Variants in TLK1 observed in about 807,000 individuals in gnomAD.
TLK1 encodes tousled like kinase 1, also known as serine/threonine-protein kinase tousled-like 1.
TLK1 carries 24 observed loss-of-function variants against 105.3 expected under a neutral mutation model. That is an observed-to-expected ratio of 0.23 (90% CI 0.17 to 0.32). The LOEUF is 0.32. Ranked by LOEUF, TLK1 falls within the 10% of genes least tolerant of loss-of-function variation. The pLI is 1.00. For missense variants in TLK1, 558 were observed against 910.5 expected (o/e 0.61, Z 4.98); for synonymous variants, 321 against 310.4 (o/e 1.03, Z -0.36).
intron 13 of TLK1, 59 bp from the exon 14 acceptor site, chr2:171,011,513 C>A: frequency 7.1e-7 from 1 of 1,411,892 alleles, no homozygotes. Context: ...ATTCCTTCTA[C>A]ACTGAAGTTC....
At chr2:171,161,039 G>T (rs187801589), upstream of TLK1, 9,846 of 158,068 alleles carry the variant, frequency 0.062, 720 homozygotes, top group East Asian at 0.29. Flanking sequence ...CAGGGGCTGG[G>T]GGGTGGGGGC....
chr2:171,101,991 T>A (rs1253785818), intron 2 of TLK1, among the ~76,000 whole-genome samples: 2 of 152,154 alleles, frequency 1.3e-5, no homozygotes, highest in Admixed American at 1.3e-4. Flanking sequence ...GCTACTTTGG[T>A]TTCTTTCTTA....
At chr2:171,091,285 G>C (rs1205894742) in intron 2 of TLK1, among the ~76,000 whole-genome samples, 1 of 152,120 alleles carries the variant, frequency 6.6e-6, no homozygotes, top group African/African-American at 2.4e-5. Context: ...CTTGAGAGGA[G>C]CTATATGGGT....
chr2:171,064,275 C>G (rs1035828), intron 3 of TLK1, among the ~76,000 whole-genome samples: 1 of 151,918 alleles, frequency 6.6e-6, no homozygotes, highest in African/African-American at 2.4e-5. Flanking sequence ...GTTAAGGCTC[C>G]AGCCTACCAG....
At chr2:171,101,346 CAAA>C (rs71401403) in intron 2 of TLK1, among the ~76,000 whole-genome samples, 2 of 63,498 alleles carry the variant, frequency 3.1e-5, no homozygotes, top group Non-Finnish European at 2.8e-5. Context: ...AACTCCGTCT[CAAA>C]AAAAAAAAAA....
intron 12 of TLK1, among the ~76,000 whole-genome samples, chr2:171,024,054 T>A (rs986107816): frequency 3.3e-5 from 5 of 152,172 alleles, no homozygotes; most frequent in Admixed American, 1.3e-4. Flanking sequence ...AACAACTTTT[T>A]AAAGATAGGA....
At chr2:171,008,892 T>C (rs938926250) in intron 14 of TLK1, among the ~76,000 whole-genome samples, 1 of 152,064 alleles carries the variant, frequency 6.6e-6, no homozygotes, top group African/African-American at 2.4e-5. Flanking sequence ...TAGCAGAGGG[T>C]TGTTATGAAG....
intron 17 of TLK1, 48 bp from the exon 18 acceptor site, chr2:171,006,330 A>G (rs922614223): frequency 9.3e-6 from 14 of 1,501,960 alleles, no homozygotes; most frequent in Non-Finnish European, 1.1e-5. Context: ...CATGAAAAAC[A>G]TAACTTTAAT....
At chr2:170,995,140 T>C (rs1238372772) in intron 20 of TLK1, among the ~76,000 whole-genome samples, 3 of 152,050 alleles carry the variant, frequency 2.0e-5, no homozygotes, top group Admixed American at 1.3e-4. Context: ...AGAGATCACT[T>C]TGAAAAATGA....
At chr2:171,120,153 G>A (rs760359293) in intron 1 of TLK1, among the ~76,000 whole-genome samples, 2 of 150,954 alleles carry the variant, frequency 1.3e-5, no homozygotes, top group Non-Finnish European at 1.5e-5. Context: ...GGAGGCTGAG[G>A]CAAGAGAATC....
intron 1 of TLK1, among the ~76,000 whole-genome samples, chr2:171,198,695 TG>T (rs1363254247): frequency 6.6e-6 from 1 of 152,174 alleles, no homozygotes; most frequent in Admixed American, 6.6e-5. Context: ...GACTAAAGGA[TG>T]GAGATGAGGA....
rs868228442 is a variant in TLK1 at position 171,195,525 on chromosome 2, T to A, written c.-6+35620A>T. Among the ~76,000 whole-genome samples the A allele has an allele frequency of 1.6e-3, 209 of 132,744 alleles. 5 individuals are homozygous for A. The highest frequency in any genetic ancestry group is 4.0e-3 in the South Asian group (17 of 4,226). 87.1% of individuals were successfully genotyped at this position (132,744 alleles called of 152,430 possible). A position where few individuals can be genotyped will look rare whatever the true frequency, so the allele number is the denominator to read the frequency against. The stretch of plus-strand genomic sequence containing the variant: ...TCAAAAAAAAAAAAAAAAAAAAACA[T>A]AATCCACCATGGATAAGCTCTATAT... On this transcript the variant is annotated intron_variant, in intron 1 of 20. Coordinates refer to the TLK1 transcript ENST00000521943.
chr2:171,066,224 T>TA (rs1687985934), intron 3 of TLK1, among the ~76,000 whole-genome samples: 1 of 152,198 alleles, frequency 6.6e-6, no homozygotes, highest in African/African-American at 2.4e-5. Flanking sequence ...ATATTTAGTA[T>TA]AAAAAATTTA....
intron 1 of TLK1, among the ~76,000 whole-genome samples, chr2:171,129,830 A>AATAACGTAAC (rs1691021702): frequency 7.0e-6 from 1 of 142,582 alleles, no homozygotes; most frequent in Non-Finnish European, 1.5e-5. Flanking sequence ...TAGGTTACCA[A>AATAACGTAAC]ATAACATAAC....
intron 1 of TLK1, among the ~76,000 whole-genome samples, chr2:171,200,324 G>C (rs571437672): frequency 6.6e-6 from 1 of 152,228 alleles, no homozygotes; most frequent in Admixed American, 6.5e-5. Context: ...TCAGTTGCGT[G>C]ATATCATTAC....
chr2:171,052,965 C>A (rs1480577831), intron 8 of TLK1, among the ~76,000 whole-genome samples: 2 of 152,224 alleles, frequency 1.3e-5, no homozygotes. Flanking sequence ...CAGAACCCCT[C>A]AGGGTAGAGT....
chr2:171,180,206 G>A (rs1198936004), intron 1 of TLK1, among the ~76,000 whole-genome samples: 1 of 151,334 alleles, frequency 6.6e-6, no homozygotes, highest in African/African-American at 2.4e-5. Context: ...GCGAGAGCGA[G>A]AGCGAGACTT....
At chr2:171,123,971 A>G (rs1289061474) in intron 1 of TLK1, among the ~76,000 whole-genome samples, 1 of 152,226 alleles carries the variant, frequency 6.6e-6, no homozygotes, top group Non-Finnish European at 1.5e-5. Flanking sequence ...GCAGTTATCC[A>G]TTGGTTCTTC....
At chr2:171,070,775 T>G (rs193052128) in intron 3 of TLK1, among the ~76,000 whole-genome samples, 344 of 152,312 alleles carry the variant, frequency 2.3e-3, no homozygotes, top group Non-Finnish European at 3.7e-3. Context: ...TCTTTTATTT[T>G]GGGTATATAT....
Sources: allele counts gnomAD v4.1 joint callset (sites outside exome capture counted in the v4.1 genomes callset), GRCh38; gene constraint gnomAD v4.1.1; transcripts MANE v1.5; gene names NCBI Gene and HGNC (gene_info 2026-07-23, HGNC 2026-07-21).